ROBO1: variants seen among roughly 807,000 people sequenced by gnomAD.
ROBO1 encodes the protein roundabout guidance receptor 1.
Under a neutral mutation model 195.9 loss-of-function variants are expected in ROBO1, and 149 were observed. The observed-to-expected ratio is 0.76, with a 90% CI of 0.67 to 0.87. The LOEUF is 0.87. Among genes scored for constraint, ROBO1 ranks in the 40% least tolerant of loss-of-function variants. The pLI, the probability that ROBO1 is intolerant of heterozygous loss-of-function variation, is 0.00. For synonymous variants in ROBO1, 816 were observed against 733.2 expected (o/e 1.11, Z -1.82); for missense variants, 1,933 against 2,068.3 (o/e 0.93, Z 1.27).
rs111608052 is a variant in ROBO1, at chr3:78,994,890, C to A, written c.173-55963G>T. On this transcript the variant is annotated intron_variant, in intron 3 of 30. Coordinates refer to ENST00000464233, the MANE Select transcript of ROBO1 (RefSeq NM_002941.4). ...TAATGACCTACCATTTAATGGGAGG[C>A]CATTAAAACGCTAGAAGGGGCAAGA... Among the ~76,000 whole-genome samples, 4 of 152,188 alleles carry A rather than the reference C, an allele frequency of 2.6e-5. 1 individual carries two copies. Among genetic ancestry groups the A allele is most frequent in the East Asian group, 1.9e-4 (1 of 5,158 alleles).
At chr3:79,247,058 T>A (rs1175187384) in intron 2 of ROBO1, among the ~76,000 whole-genome samples, 2 of 151,666 alleles carry the variant, frequency 1.3e-5, no homozygotes, top group Non-Finnish European at 2.9e-5. Context: ...TTTCCTCTAA[T>A]GCTCTGTGGA....
chr3:79,430,000 C>T (rs1440321220), intron 2 of ROBO1, among the ~76,000 whole-genome samples: 2 of 151,860 alleles, frequency 1.3e-5, no homozygotes, highest in Admixed American at 1.3e-4. Context: ...TTTTCTCTCT[C>T]TCCTTTTTTA....
At chr3:79,466,712 A>G (rs1937979116) in intron 2 of ROBO1, among the ~76,000 whole-genome samples, 1 of 152,218 alleles carries the variant, frequency 6.6e-6, no homozygotes, top group Admixed American at 6.5e-5. Flanking sequence ...ACTGTATGCT[A>G]TCTTTCAGTG....
At chr3:78,690,422 A>T (rs560061833) in intron 8 of ROBO1, among the ~76,000 whole-genome samples, 2 of 152,088 alleles carry the variant, frequency 1.3e-5, no homozygotes, top group African/African-American at 2.4e-5. Flanking sequence ...ATATAGTTTA[A>T]GTTCAATTTG....
At position 78,600,139 on chromosome 3, in the gene ROBO1, C is replaced by T; in HGVS notation, c.4915G>A (p.Gly1639Arg). 1 of 1,612,994 alleles carries T rather than the reference C, an allele frequency of 6.2e-7. No homozygotes were observed. The highest frequency in any genetic ancestry group is 8.5e-7 in the Non-Finnish European group (1 of 1,179,314). ...EMQVLGGYER[G>R]EDNNEELEET... ...TCTAATTCTTCATTATTATCTTCTCCTCTTTCATATCCTCCAAGTACCTGC... is the reference window on the plus strand; with the variant it reads ...TCTAATTCTTCATTATTATCTTCTCTTCTTTCATATCCTCCAAGTACCTGC... The change falls in exon 30 of 31, where the codon GGA becomes AGA. Residue 1639 changes from glycine to arginine, a missense_variant. Gly to Arg is a moderately radical substitution (Grantham distance 125). Coordinates refer to ENST00000464233, the MANE Select transcript of ROBO1 (RefSeq NM_002941.4).
intron 2 of ROBO1, among the ~76,000 whole-genome samples, chr3:79,365,862 A>C (rs532783652): frequency 3.4e-5 from 5 of 146,344 alleles, no homozygotes; most frequent in East Asian, 2.0e-4. Context: ...GCGCCACTGC[A>C]CTCCAGCCTG....
chr3:79,567,016 A>G (rs1043571610), intron 2 of ROBO1, among the ~76,000 whole-genome samples: 5 of 152,178 alleles, frequency 3.3e-5, no homozygotes, highest in Admixed American at 6.6e-5. Context: ...ATGCCCATCA[A>G]TGATATACTG....
intron 4 of ROBO1, among the ~76,000 whole-genome samples, chr3:78,806,953 G>C (rs112226733): frequency 1.3e-5 from 2 of 151,796 alleles, no homozygotes; most frequent in Non-Finnish European, 2.9e-5. Context: ...GATTACAGGC[G>C]TACACCACCA....
intron 4 of ROBO1, among the ~76,000 whole-genome samples, chr3:78,886,774 T>C (rs2036595931): frequency 6.6e-6 from 1 of 152,168 alleles, no homozygotes. Context: ...TATATGATTA[T>C]ACTTATACAA....
intron 3 of ROBO1, among the ~76,000 whole-genome samples, chr3:79,078,899 G>T (rs1480224424): frequency 1.3e-5 from 2 of 151,618 alleles, no homozygotes; most frequent in East Asian, 1.9e-4. Flanking sequence ...TTCACATTTT[G>T]CCCTCTCATA....
rs368002692 is a variant in ROBO1, at chr3:79,557,744, ATAT to A, written c.88+32077_88+32079del. On this transcript the variant is annotated intron_variant, in intron 2 of 30. Transcript: ENST00000464233. ...CGAGACTGTCTTAAAACAAAAAAAA[ATAT>A]ATATATATATATATATATTTTATTG... is the stretch of plus-strand genomic sequence containing the variant. Among the ~76,000 whole-genome samples the A allele has an allele frequency of 2.4e-3, 249 of 102,722 alleles. 8 individuals carry two copies. Among genetic ancestry groups the A allele is most frequent in the African/African-American group, 0.01 (214 of 20,712 alleles). The allele number at this position is 102,722 out of a possible 152,430, so 67.4% of individuals were successfully genotyped here. A position where few individuals can be genotyped will look rare whatever the true frequency, so the allele number is the denominator to read the frequency against.
At chr3:79,104,464 A>G (rs1410177905) in intron 3 of ROBO1, among the ~76,000 whole-genome samples, 1 of 151,800 alleles carries the variant, frequency 6.6e-6, no homozygotes, top group Non-Finnish European at 1.5e-5. Flanking sequence ...TAGATGTGTA[A>G]TCACAATGCT....
intron 2 of ROBO1, among the ~76,000 whole-genome samples, chr3:79,334,964 T>A (rs1384060844): frequency 6.6e-6 from 1 of 151,480 alleles, no homozygotes; most frequent in African/African-American, 2.4e-5. Context: ...AAAAAAAAAA[T>A]TAATTAGCCA....
chr3:79,593,368 T>C (rs1039522634), intron 1 of ROBO1, among the ~76,000 whole-genome samples: 2 of 152,084 alleles, frequency 1.3e-5, no homozygotes, highest in Admixed American at 1.3e-4. Context: ...CATTTGTCTT[T>C]CTGCTAGTAA....
chr3:78,882,809 A>C (rs558934798), intron 4 of ROBO1, among the ~76,000 whole-genome samples: 1 of 136,358 alleles, frequency 7.3e-6, no homozygotes, highest in East Asian at 2.2e-4. Flanking sequence ...TGTTCTTCCT[A>C]ATCTTTTTTT....
intron 2 of ROBO1, among the ~76,000 whole-genome samples, chr3:79,585,875 C>A (rs1340096832): frequency 6.6e-6 from 1 of 151,916 alleles, no homozygotes; most frequent in Non-Finnish European, 1.5e-5. Context: ...AAAAATTGAA[C>A]TGTTGCCTAT....
chr3:78,876,472 A>G (rs779971567), intron 4 of ROBO1, among the ~76,000 whole-genome samples: 1 of 152,212 alleles, frequency 6.6e-6, no homozygotes, highest in Admixed American at 6.5e-5. Context: ...TAAAAAATTT[A>G]GTAAAAAATT....
intron 1 of ROBO1, among the ~76,000 whole-genome samples, chr3:79,701,671 T>C (rs1187753617): frequency 2.6e-5 from 4 of 151,684 alleles, no homozygotes; most frequent in Non-Finnish European, 5.9e-5. Context: ...CCCCATATGA[T>C]AGAAAATACA....
intron 1 of ROBO1, among the ~76,000 whole-genome samples, chr3:79,664,345 A>G (rs1037521420): frequency 9.2e-5 from 14 of 151,946 alleles, no homozygotes; most frequent in Non-Finnish European, 1.6e-4. Flanking sequence ...AAATGAGTAG[A>G]CAATCAGTAC....
Sources: gnomAD v4.1 joint callset for allele counts (sites outside exome capture counted in the v4.1 genomes callset) on GRCh38, gnomAD v4.1.1 for gene constraint, MANE v1.5 for transcripts, NCBI Gene and HGNC (gene_info 2026-07-23, HGNC 2026-07-21) for gene names.